The following LSAMP variants were observed in gnomAD, a reference collection of about 807,000 sequenced individuals.
LSAMP encodes limbic system-associated membrane protein.
LSAMP carries 7 observed loss-of-function variants against 38.6 expected under a neutral mutation model. The observed-to-expected ratio is 0.18, with a 90% CI of 0.10 to 0.34. The LOEUF (loss-of-function observed/expected upper bound fraction) is 0.34, where lower values mean the gene tolerates loss of function less well. Ranked by LOEUF, LSAMP falls within the 10% of genes least tolerant of loss-of-function variation. LSAMP has a pLI of 1.00. For missense variants in LSAMP, 313 were observed against 420.0 expected (o/e 0.75, Z 2.23); for synonymous variants, 154 against 166.8 (o/e 0.92, Z 0.59).
At chr3:115,939,171 T>C (rs1937810024) in intron 3 of LSAMP, among the ~76,000 whole-genome samples, 1 of 152,198 alleles carries the variant, frequency 6.6e-6, no homozygotes, top group East Asian at 1.9e-4. Flanking sequence ...AAGCAGGTTC[T>C]AATAAATAAT....
intron 3 of LSAMP, among the ~76,000 whole-genome samples, chr3:115,978,711 G>A (rs1054227627): frequency 1.3e-5 from 2 of 152,002 alleles, no homozygotes; most frequent in African/African-American, 4.8e-5. Flanking sequence ...AAAAGTTAAG[G>A]AGTTGGCAGA....
rs13324928 is a variant in LSAMP at position 116,370,355 on chromosome 3, C to A, written c.155+74522G>T. 2.8e-3 allele frequency among the ~76,000 whole-genome samples: 427 copies of A among 152,220 alleles called. 4 individuals are homozygous for A. The highest frequency in any genetic ancestry group is 9.9e-3 in the African/African-American group (412 of 41,536). On this transcript the variant is annotated intron_variant, in intron 1 of 6. Transcript: ENST00000490035. ...TAGAAAGATGATGGAGAAGGAAGCA[C>A]CAGAAATCTGTCCCTTTACCAGATA...
chr3:115,932,738 A>T lies in LSAMP; in HGVS notation c.515-80121T>A, dbSNP rs1419642533. ...ACTAGTCTTTTCCAACATGGTAGTCATTTTAAAAAATGATATGTATCTAAT... is the reference window on the plus strand; with the variant it reads ...ACTAGTCTTTTCCAACATGGTAGTCTTTTTAAAAAATGATATGTATCTAAT... On this transcript the variant is annotated intron_variant, in intron 3 of 6. Transcript: ENST00000490035. Among the ~76,000 whole-genome samples, 4 of 151,028 alleles carry T rather than the reference A, an allele frequency of 2.6e-5. No homozygotes were observed. The Admixed American group carries it at 2.7e-4, about 10-fold the overall frequency.
Position 115,930,002 on chromosome 3 carries a change from G to GTTT in LSAMP, c.515-77388_515-77386dup, listed in dbSNP as rs1170325465. 9.8e-3 allele frequency among the ~76,000 whole-genome samples: 783 copies of GTTT among 80,256 alleles called. 138 individuals carry two copies. Among genetic ancestry groups the GTTT allele is most frequent in the African/African-American group, 0.033 (693 of 21,008 alleles). The allele number at this position is 80,256 out of a possible 152,430, so 52.7% of individuals were successfully genotyped here. ...ATCCAGATCTATAAATTTAGCAGAA[G>GTTT]TTTTTTTTTTTTTTTTTTTTTTTTG... On this transcript the variant is annotated intron_variant, in intron 3 of 6. Transcript: ENST00000490035.
chr3:116,359,296 A>G (rs1447561426), intron 1 of LSAMP, among the ~76,000 whole-genome samples: 1 of 152,210 alleles, frequency 6.6e-6, no homozygotes, highest in African/African-American at 2.4e-5. Context: ...TTTGTATGTG[A>G]TACCAACTCA....
At chr3:116,239,298 C>T (rs1216334069) in intron 1 of LSAMP, among the ~76,000 whole-genome samples, 3 of 152,086 alleles carry the variant, frequency 2.0e-5, no homozygotes, top group South Asian at 2.1e-4. Context: ...ATAAAGTTCA[C>T]TTACTAAGCT....
chr3:116,381,086 AC>A (rs2048552006), intron 1 of LSAMP, among the ~76,000 whole-genome samples: 1 of 151,872 alleles, frequency 6.6e-6, no homozygotes, highest in African/African-American at 2.4e-5. Context: ...AGAGATATTT[AC>A]CCCCTCTTTT....
chr3:115,873,328 A>G (rs2107404103), intron 3 of LSAMP, among the ~76,000 whole-genome samples: 1 of 151,520 alleles, frequency 6.6e-6, no homozygotes, highest in South Asian at 2.1e-4. Flanking sequence ...AGTTGCAGTG[A>G]GCTAAGATCA....
intron 3 of LSAMP, among the ~76,000 whole-genome samples, chr3:116,015,057 C>G (rs947598756): frequency 6.6e-6 from 1 of 152,128 alleles, no homozygotes; most frequent in Admixed American, 6.6e-5. Context: ...CTTCAGACTC[C>G]TCTTAGCTTC....
chr3:116,351,633 C>T (rs2048141459), intron 1 of LSAMP, among the ~76,000 whole-genome samples: 1 of 152,094 alleles, frequency 6.6e-6, no homozygotes, highest in Non-Finnish European at 1.5e-5. Context: ...CCACTGGAAA[C>T]TACAGAATGG....
At chr3:116,252,225 AG>A (rs2046692776) in intron 1 of LSAMP, among the ~76,000 whole-genome samples, 1 of 152,226 alleles carries the variant, frequency 6.6e-6, no homozygotes. Flanking sequence ...GCAAATGTTA[AG>A]GCCACATTGA....
rs192866787 is a variant in LSAMP, at chr3:116,250,215, T to C, written c.156-163659A>G. 3.9e-3 allele frequency among the ~76,000 whole-genome samples: 590 copies of C among 152,332 alleles called. 4 individuals are homozygous for C. Among genetic ancestry groups the C allele is most frequent in the African/African-American group, 0.013 (557 of 41,576 alleles). On this transcript the variant is annotated intron_variant, in intron 1 of 6. Transcript: ENST00000490035. ...CTTCCCTAATCTTAGTTTAAATACA[T>C]ATAATCATTGTATTGTTATCTTTCC... is the stretch of plus-strand genomic sequence containing the variant.
chr3:116,121,161 C>T (rs1036494414), intron 1 of LSAMP, among the ~76,000 whole-genome samples: 4 of 152,172 alleles, frequency 2.6e-5, no homozygotes, highest in Non-Finnish European at 5.9e-5. Flanking sequence ...GAACTTTCTA[C>T]CTAATAATAG....
At chr3:115,861,550 C>T (rs140629302) in intron 3 of LSAMP, among the ~76,000 whole-genome samples, 1,789 of 152,206 alleles carry the variant, frequency 0.012, 17 homozygotes, top group South Asian at 0.022. Context: ...GGACCCTGTA[C>T]ACAGACCCTC....
intron 1 of LSAMP, among the ~76,000 whole-genome samples, chr3:116,158,203 T>C (rs916036533): frequency 6.6e-6 from 1 of 152,114 alleles, no homozygotes; most frequent in Non-Finnish European, 1.5e-5. Context: ...AGGAACATAC[T>C]TCATAATAAT....
chr3:116,116,975 A>G (rs1206716715), intron 1 of LSAMP, among the ~76,000 whole-genome samples: 1 of 152,142 alleles, frequency 6.6e-6, no homozygotes, highest in Non-Finnish European at 1.5e-5. Context: ...AACCTCAGTC[A>G]ACACCACGTC....
rs1279500174 is a variant in LSAMP, at chr3:115,878,594, T to A, written c.515-25977A>T. ...CTCTTGTCTCAGCCTCCAGAGTAGC[T>A]GGAACTACAGGCATGCACCACCATG... is the stretch of plus-strand genomic sequence containing the variant. On this transcript the variant is annotated intron_variant, in intron 3 of 6. Coordinates refer to ENST00000490035, the MANE Select transcript of LSAMP (RefSeq NM_002338.5). 8.6e-5 allele frequency among the ~76,000 whole-genome samples: 13 copies of A among 150,578 alleles called. No homozygotes were observed. In the Admixed American group the frequency reaches 8.7e-4, roughly 10 times the overall value.
intron 1 of LSAMP, among the ~76,000 whole-genome samples, chr3:116,227,137 A>G (rs1177254107): frequency 3.3e-5 from 5 of 152,162 alleles, no homozygotes; most frequent in Non-Finnish European, 7.3e-5. Context: ...GATTCATAAA[A>G]TGACTCTGCT....
intron 1 of LSAMP, among the ~76,000 whole-genome samples, chr3:116,321,880 G>C (rs2047711274): frequency 6.6e-6 from 1 of 152,126 alleles, no homozygotes; most frequent in South Asian, 2.1e-4. Flanking sequence ...CTTAAGGCTA[G>C]TTCCTTTCTA....
Sources: gnomAD v4.1 joint callset for allele counts (sites outside exome capture counted in the v4.1 genomes callset) on GRCh38, gnomAD v4.1.1 for gene constraint, MANE v1.5 for transcripts, NCBI Gene and HGNC (gene_info 2026-07-23, HGNC 2026-07-21) for gene names.